Variants in ANK2 observed in about 807,000 individuals in gnomAD.
ANK2 encodes the protein ankyrin 2.
ANK2 carries 83 observed loss-of-function variants against 360.5 expected under a neutral mutation model. The observed-to-expected ratio is 0.23, with a 90% CI of 0.19 to 0.28. ANK2 has a LOEUF of 0.28. Ranked by LOEUF, ANK2 falls within the 10% of genes least tolerant of loss-of-function variation. The pLI is 1.00. For synonymous variants in ANK2, 1,740 were observed against 1,759.5 expected, an observed-to-expected ratio of 0.99 and a Z score of 0.28; for missense variants, 4,201 against 4,795.7, an observed-to-expected ratio of 0.88 and a Z score of 3.66.
rs1013670416 is a variant in ANK2 at position 113,014,921 on chromosome 4, C to G, written c.21+110407C>G. On this transcript the variant is annotated intron_variant, in intron 2 of 30. Coordinates refer to the ANK2 transcript ENST00000503271. ...TCACCCAGGCTGGAGTGCAGTGGCG[C>G]GATCTCGGCTCACTGCAAGCTCCGC... 2.2e-5 allele frequency among the ~76,000 whole-genome samples: 3 copies of G among 134,450 alleles called. No individual in the cohort carries two copies. The Admixed American group carries it at 2.6e-4, about 12-fold the overall frequency. The allele number at this position is 134,450 out of a possible 152,430, so 88.2% of individuals were successfully genotyped here.
chr4:113,254,132 T>C (rs1222565242), intron 10 of ANK2, among the ~76,000 whole-genome samples: 1 of 152,230 alleles, frequency 6.6e-6, no homozygotes, highest in African/African-American at 2.4e-5. Flanking sequence ...TTTCTGGACA[T>C]CCTATCAAAA....
intron 2 of ANK2, among the ~76,000 whole-genome samples, chr4:112,919,683 C>A (rs559478403): frequency 2.0e-5 from 3 of 152,140 alleles, no homozygotes; most frequent in South Asian, 4.2e-4. Context: ...TTTATTCAAA[C>A]TCCTGTCATA....
At chr4:112,713,029 C>T in the ANK2 span, among the ~76,000 whole-genome samples, 1 of 152,184 alleles carries the variant, frequency 6.6e-6, no homozygotes. Context: ...CTCCTACCTT[C>T]AATTCCTGAT....
intron 2 of ANK2, among the ~76,000 whole-genome samples, chr4:113,175,832 A>G (rs2098174463): frequency 6.6e-6 from 1 of 152,144 alleles, no homozygotes; most frequent in African/African-American, 2.4e-5. Context: ...ATTGTCACTG[A>G]TGTCAATATT....
At chr4:113,265,400 C>G (rs890184762) in intron 14 of ANK2, among the ~76,000 whole-genome samples, 2 of 152,066 alleles carry the variant, frequency 1.3e-5, no homozygotes, top group Non-Finnish European at 2.9e-5. Context: ...CACAGTCATC[C>G]CTCACTAGTT....
At chr4:113,038,391 A>T (rs945429228) in intron 2 of ANK2, among the ~76,000 whole-genome samples, 1 of 151,764 alleles carries the variant, frequency 6.6e-6, no homozygotes, top group Non-Finnish European at 1.5e-5. Context: ...GTTTTTTTTT[A>T]AATGAATAAA....
intron 17 of ANK2, among the ~76,000 whole-genome samples, chr4:113,279,624 A>C (rs1441950869): frequency 6.7e-6 from 1 of 149,726 alleles, no homozygotes; most frequent in Non-Finnish European, 1.5e-5. Flanking sequence ...GCCTATTTAA[A>C]TTTTATACAT....
intron 35 of ANK2, among the ~76,000 whole-genome samples, chr4:113,347,240 T>A (rs964621488): frequency 4.6e-5 from 7 of 152,108 alleles, no homozygotes; most frequent in Non-Finnish European, 1.0e-4. Flanking sequence ...TTTTATTAAA[T>A]GAATAAAATA....
At chr4:113,141,158 G>T (rs1049673689) in intron 1 of ANK2, 3 of 152,160 alleles carry the variant, frequency 2.0e-5, no homozygotes, top group African/African-American at 7.2e-5. Context: ...AAAAGATGTG[G>T]CAGGGTGTAA....
intron 2 of ANK2, among the ~76,000 whole-genome samples, chr4:112,975,952 C>T (rs994177285): frequency 6.6e-6 from 1 of 152,068 alleles, no homozygotes; most frequent in Non-Finnish European, 1.5e-5. Context: ...ACTCAGAAAG[C>T]CTCAGTTGCC....
chr4:113,043,293 C>G (rs1172882318), intron 2 of ANK2, among the ~76,000 whole-genome samples: 1 of 152,154 alleles, frequency 6.6e-6, no homozygotes, highest in East Asian at 1.9e-4. Flanking sequence ...TAGAGTCCTT[C>G]CAGGTCTTCT....
At chr4:112,794,079 T>G in the ANK2 span, among the ~76,000 whole-genome samples, 1 of 152,220 alleles carries the variant, frequency 6.6e-6, no homozygotes, top group Non-Finnish European at 1.5e-5. Context: ...AACTAATTGT[T>G]GACTTTACCC....
intron 1 of ANK2, among the ~76,000 whole-genome samples, chr4:113,161,179 A>T (rs1452479600): frequency 3.3e-5 from 5 of 152,216 alleles, no homozygotes; most frequent in Non-Finnish European, 7.3e-5. Flanking sequence ...TCTAGAGTTG[A>T]TGCCAGTACT....
intron 26 of ANK2, among the ~76,000 whole-genome samples, chr4:113,322,596 T>C: frequency 6.6e-6 from 1 of 152,198 alleles, no homozygotes; most frequent in East Asian, 1.9e-4. Context: ...GTGTTTTAAT[T>C]ACAGTCAAAT....
intron 2 of ANK2, among the ~76,000 whole-genome samples, chr4:112,951,926 T>C (rs1299502028): frequency 3.3e-5 from 5 of 152,214 alleles, no homozygotes; most frequent in Admixed American, 2.0e-4. Context: ...CAACCATGAT[T>C]TGACACATGG....
intron 2 of ANK2, among the ~76,000 whole-genome samples, chr4:112,958,429 C>CA (rs917297437): frequency 3.9e-4 from 59 of 152,224 alleles, no homozygotes; most frequent in African/African-American, 1.4e-3. Flanking sequence ...CCATCTCCAC[C>CA]AAAAAAATAC....
rs142935261 is a variant in ANK2, at chr4:113,079,565, C to T, written c.84+29753C>T. Among the ~76,000 whole-genome samples, 1,034 of 152,258 alleles carry T rather than the reference C, an allele frequency of 6.8e-3. 6 individuals carry two copies. The highest frequency in any genetic ancestry group is 0.023 in the African/African-American group (971 of 41,550). ...TATGTGCTTTAGTTTTCTTACTGCT[C>T]GTCACACTATGTGGCACATTGCAAT... On this transcript the variant is annotated intron_variant, in intron 1 of 45. Transcript: ENST00000357077.
the ANK2 span, among the ~76,000 whole-genome samples, chr4:112,731,493 G>T: frequency 6.6e-6 from 1 of 152,088 alleles, no homozygotes; most frequent in Non-Finnish European, 1.5e-5. Flanking sequence ...GGAGGCTGAG[G>T]TGGGTAGATC....
At chr4:113,121,352 TG>T (rs2095341560) in intron 1 of ANK2, among the ~76,000 whole-genome samples, 1 of 152,184 alleles carries the variant, frequency 6.6e-6, no homozygotes, top group South Asian at 2.1e-4. Context: ...GTACCTACAC[TG>T]GGTGTAGATT....
Sources: gnomAD v4.1 joint callset for allele counts (sites outside exome capture counted in the v4.1 genomes callset) on GRCh38, gnomAD v4.1.1 for gene constraint, MANE v1.5 for transcripts, NCBI Gene and HGNC (gene_info 2026-07-23, HGNC 2026-07-21) for gene names.